Variants in HNRNPM observed in about 807,000 individuals in gnomAD.
The protein encoded by HNRNPM is CEA receptor.
HNRNPM carries 11 observed loss-of-function variants against 73.1 expected under a neutral mutation model. That is an observed-to-expected ratio of 0.15 (90% CI 0.09 to 0.25). The LOEUF (loss-of-function observed/expected upper bound fraction) is 0.25, where lower values mean the gene tolerates loss of function less well. Among genes scored for constraint, HNRNPM ranks in the 10% least tolerant of loss-of-function variants. The pLI, the probability that HNRNPM is intolerant of heterozygous loss-of-function variation, is 1.00. For missense variants in HNRNPM, 789 were observed against 1,067.9 expected, an observed-to-expected ratio of 0.74 and a Z score of 3.64; for synonymous variants, 407 against 355.2, an observed-to-expected ratio of 1.15 and a Z score of -1.64.
chr19:8,447,965 G>T (rs1416110780), intron 1 of HNRNPM, among the ~76,000 whole-genome samples: 1 of 152,178 alleles, frequency 6.6e-6, no homozygotes, highest in Non-Finnish European at 1.5e-5. Flanking sequence ...GGCAGAGCTT[G>T]CAGTGAGCCG....
intron 8 of HNRNPM, among the ~76,000 whole-genome samples, chr19:8,468,140 G>T (rs1969885000): frequency 6.6e-6 from 1 of 152,222 alleles, no homozygotes; most frequent in Admixed American, 6.5e-5. Flanking sequence ...AGTCACCTGG[G>T]TATCCTGGTT....
intron 15 of HNRNPM, 88 bp from the exon 16 acceptor site, chr19:8,488,603 G>A (rs547401245): frequency 3.4e-4 from 410 of 1,217,044 alleles, no homozygotes; most frequent in Non-Finnish European, 4.4e-4. Context: ...TGTGCTCTAG[G>A]CTTCAGGGCC....
At chr19:8,473,426 A>C (rs1162350904) in intron 10 of HNRNPM, among the ~76,000 whole-genome samples, 3 of 151,940 alleles carry the variant, frequency 2.0e-5, no homozygotes, top group African/African-American at 7.3e-5. Flanking sequence ...GTGCCATTGC[A>C]TTCCAGCCTG....
At chr19:8,467,227 A>G (rs936242886) in intron 7 of HNRNPM, among the ~76,000 whole-genome samples, 1 of 152,162 alleles carries the variant, frequency 6.6e-6, no homozygotes, top group African/African-American at 2.4e-5. Context: ...ATAGTGGTAG[A>G]TGCCTGGCCC....
At chr19:8,465,725 C>G (rs970294493) in intron 6 of HNRNPM, among the ~76,000 whole-genome samples, 1 of 152,142 alleles carries the variant, frequency 6.6e-6, no homozygotes, top group African/African-American at 2.4e-5. Flanking sequence ...GGCTGTGATT[C>G]CTGAGTTTCG....
At position 8,477,949 on chromosome 19, in the gene HNRNPM, A is replaced by G. The variant is rs150202096; in HGVS notation, c.1120+3705A>G. Among the ~76,000 whole-genome samples, 690 of 152,268 alleles carry G rather than the reference A, an allele frequency of 4.5e-3. 4 individuals carry two copies. The highest frequency in any genetic ancestry group is 0.014 in the Middle Eastern group (4 of 294). On this transcript the variant is annotated intron_variant, in intron 12 of 15. Coordinates refer to ENST00000325495, the MANE Select transcript of HNRNPM (RefSeq NM_005968.5). ...TGTGTGAGCCTCAATTTCTTTTTAA[A>G]GTGGTAGTGGTGGTGGAGGGTAACA...
chr19:8,476,652 G>C (rs1374997501), intron 12 of HNRNPM, among the ~76,000 whole-genome samples: 1 of 152,126 alleles, frequency 6.6e-6, no homozygotes, highest in African/African-American at 2.4e-5. Context: ...CCCTTTGTGG[G>C]TGTAAATTGG....
chr19:8,459,976 G>T (rs1371702742), intron 2 of HNRNPM, among the ~76,000 whole-genome samples: 1 of 152,110 alleles, frequency 6.6e-6, no homozygotes, highest in East Asian at 1.9e-4. Context: ...GCCTACTCTT[G>T]GGATTCCATG....
intron 11 of HNRNPM, among the ~76,000 whole-genome samples, 156 bp downstream of exon 11, chr19:8,473,864 G>A (rs367553750): frequency 6.6e-6 from 1 of 151,922 alleles, no homozygotes; most frequent in Non-Finnish European, 1.5e-5. Flanking sequence ...CCTTCCAGCG[G>A]GTGTCTTGGC....
At chr19:8,457,876 C>G (rs1969129816) in intron 2 of HNRNPM, among the ~76,000 whole-genome samples, 1 of 152,178 alleles carries the variant, frequency 6.6e-6, no homozygotes, top group African/African-American at 2.4e-5. Context: ...GATAGAGGCA[C>G]TTACAACCCT....
chr19:8,468,404 A>T (rs1483591169), intron 8 of HNRNPM, among the ~76,000 whole-genome samples: 1 of 152,226 alleles, frequency 6.6e-6, no homozygotes, highest in Non-Finnish European at 1.5e-5. Context: ...ACTCAAATTC[A>T]GGAAAAAGAT....
At chr19:8,469,919 T>TCTGTGGCTCC (rs1354705598) in intron 9 of HNRNPM, among the ~76,000 whole-genome samples, 1 of 152,202 alleles carries the variant, frequency 6.6e-6, no homozygotes, top group Non-Finnish European at 1.5e-5. Flanking sequence ...TGAAGGGAAA[T>TCTGTGGCTCC]CTGTGGCTTC....
At position 8,485,714 on chromosome 19, in the gene HNRNPM, G is replaced by A. The variant is rs1185901338; in HGVS notation, c.1286G>A (p.Arg429His). The change falls in exon 14 of 16, where the codon CGC (arginine) becomes CAC (histidine). Residue 429 changes from arginine (R) to histidine (H), a missense_variant. By Grantham distance (29) the Arg-to-His change is conservative (BLOSUM62 0). Coordinates refer to ENST00000325495, the MANE Select transcript of HNRNPM (RefSeq NM_005968.5). ...MGAGLGHGMDRVGSEIERMGL... is the reference protein window; with the variant it reads ...MGAGLGHGMDHVGSEIERMGL... ...GCGGGCCTGGGCCACGGCATGGATC[G>A]CGTGGGCTCCGAGATCGAGCGCATG... is the stretch of plus-strand genomic sequence containing the variant. 4.4e-6 allele frequency: 7 copies of A among 1,606,724 alleles called. No homozygotes were observed. Among genetic ancestry groups the A allele is most frequent in the South Asian group, 1.1e-5 (1 of 91,012 alleles).
intron 12 of HNRNPM, among the ~76,000 whole-genome samples, chr19:8,481,885 C>A (rs1371094574): frequency 6.6e-6 from 1 of 151,948 alleles, no homozygotes; most frequent in East Asian, 1.9e-4. Flanking sequence ...AACTTTCCCA[C>A]CTTGTCCCAC....
chr19:8,486,959 C>A, intron 14 of HNRNPM, 65 bp from the exon 15 acceptor site: 1 of 1,290,428 alleles, frequency 7.7e-7, no homozygotes. Context: ...TCAGAGCCAG[C>A]TGCAAGGCAT....
chr19:8,473,593 T>C (rs988666804), intron 10 of HNRNPM, 71 bp from the exon 11 acceptor site: 9 of 918,910 alleles, frequency 9.8e-6, no homozygotes, highest in South Asian at 6.9e-5. Context: ...TTTGGAATTA[T>C]GCTTTTTAAG....
chr19:8,483,355 G>A (rs1305713934), intron 13 of HNRNPM, 144 bp downstream of exon 13: 9 of 683,310 alleles, frequency 1.3e-5, no homozygotes, highest in Non-Finnish European at 1.8e-5. Context: ...GCTGTGTGAC[G>A]TTTGGCAAGT....
chr19:8,489,052 TG>T lies in HNRNPM; in HGVS notation c.*199del. 1 of 530,848 alleles carries T rather than the reference TG, an allele frequency of 1.9e-6. No homozygotes were observed. The highest frequency in any genetic ancestry group is 3.3e-6 in the Non-Finnish European group (1 of 298,938). The allele number at this position is 530,848 out of a possible 1,614,324, so 32.9% of individuals were successfully genotyped here. On this transcript the variant is annotated 3_prime_UTR_variant, in exon 16 of 16. Transcript: ENST00000325495. ...AGATTGCAATGTGCGCAATTTTTTT[TG>T]TAGTTGTGGCATCTTGTTGACATCG...
At position 8,455,588 on chromosome 19, in the gene HNRNPM, T is replaced by G; in HGVS notation, c.283+14T>G. ...TTAAAGAAAAAGGTAATGGTACTGG[T>G]GATTGAGTAGGGTGAGAAGGTTGGT... is the stretch of plus-strand genomic sequence containing the variant. On this transcript the variant is annotated intron_variant, in intron 2 of 15. Transcript: ENST00000325495. 6.2e-7 allele frequency: 1 copy of G among 1,605,162 alleles called. No homozygotes were observed.
Sources: gnomAD v4.1 joint callset for allele counts (sites outside exome capture counted in the v4.1 genomes callset) on GRCh38, gnomAD v4.1.1 for gene constraint, MANE v1.5 for transcripts, NCBI Gene and HGNC (gene_info 2026-07-23, HGNC 2026-07-21) for gene names.